EDARADD: variants seen among roughly 807,000 people sequenced by gnomAD.
EDARADD encodes EDAR associated via death domain, also known as ectodysplasin-A receptor-associated adapter protein.
EDARADD carries 20 observed loss-of-function variants against 25.6 expected under a neutral mutation model. The observed-to-expected ratio is 0.78, with a 90% CI of 0.55 to 1.14. The LOEUF (loss-of-function observed/expected upper bound fraction) is 1.14, where lower values mean the gene tolerates loss of function less well. Ranked by LOEUF, EDARADD falls within the 50% of genes most tolerant of loss-of-function variation. The probability of loss-of-function intolerance (pLI) is 0.00; values close to 1 mark genes in which losing one functional copy is unlikely to be tolerated. For missense variants in EDARADD, 225 were observed against 270.1 expected (o/e 0.83, Z 1.17); for synonymous variants, 86 against 94.4 (o/e 0.91, Z 0.52).
chr1:236,357,833 A>G (rs1407248649), intron 3 of EDARADD, among the ~76,000 whole-genome samples: 3 of 151,928 alleles, frequency 2.0e-5, no homozygotes, highest in African/African-American at 7.3e-5. Flanking sequence ...ATGTATATTC[A>G]AACTATATCA....
chr1:236,482,851 T>C lies in EDARADD; in HGVS notation c.*202T>C, dbSNP rs1013389851. On this transcript the variant is annotated 3_prime_UTR_variant, in exon 6 of 6. Coordinates refer to ENST00000334232, the MANE Select transcript of EDARADD (RefSeq NM_145861.4). ...GTTTATTTTTGCACATCTGTTATAA[T>C]TTAATATTCAAATCTGGAATTAAGA... is the stretch of plus-strand genomic sequence containing the variant. The C allele has an allele frequency of 7.2e-6, 5 of 691,220 alleles. No homozygotes were observed. The South Asian group carries it at 7.7e-5, about 11-fold the overall frequency. The allele number at this position is 691,220 out of a possible 1,614,324, so 42.8% of individuals were successfully genotyped here. A position where few individuals can be genotyped will look rare whatever the true frequency, so the allele number is the denominator to read the frequency against.
chr1:236,370,346 G>A (rs1002283419), intron 3 of EDARADD, among the ~76,000 whole-genome samples: 6 of 152,056 alleles, frequency 3.9e-5, no homozygotes, highest in Admixed American at 3.3e-4. Flanking sequence ...GCTTGAACCC[G>A]GGAGGCAGAG....
intron 5 of EDARADD, 84 bp from the exon 6 acceptor site, chr1:236,482,183 C>A: frequency 6.7e-7 from 1 of 1,484,610 alleles, no homozygotes; most frequent in African/African-American, 1.4e-5. Context: ...TTTGACAATT[C>A]AGCAGGAAAA....
rs756597158 is a variant in EDARADD at position 236,405,786 on chromosome 1, TTTC to T, written c.62-3427_62-3425del. On this transcript the variant is annotated intron_variant, in intron 1 of 5. Coordinates refer to ENST00000334232, the MANE Select transcript of EDARADD (RefSeq NM_145861.4). The stretch of plus-strand genomic sequence containing the variant: ...CTTTCTTTCTTTCTTTCTTTCTTTC[TTTC>T]TTTTCTTTTTCTTTCTTTCTTTCCT... 7.2e-3 allele frequency among the ~76,000 whole-genome samples: 308 copies of T among 42,718 alleles called. 5 individuals are homozygous for T. Among genetic ancestry groups the T allele is most frequent in the Middle Eastern group, 0.023 (3 of 128 alleles). The allele number at this position is 42,718 out of a possible 152,430, so 28.0% of individuals were successfully genotyped here.
At chr1:236,378,106 A>C (rs115249497) in intron 3 of EDARADD, among the ~76,000 whole-genome samples, 1 of 151,328 alleles carries the variant, frequency 6.6e-6, no homozygotes, top group African/African-American at 2.4e-5. Context: ...AGTCCCACCC[A>C]CCCCCCTTTA....
At chr1:236,377,863 A>G (rs967226750) in intron 3 of EDARADD, among the ~76,000 whole-genome samples, 2 of 152,056 alleles carry the variant, frequency 1.3e-5, no homozygotes, top group Non-Finnish European at 2.9e-5. Context: ...TTAAAAAAAA[A>G]ACAAAAACAG....
At chr1:236,435,623 TG>T (rs1658229489) in intron 4 of EDARADD, among the ~76,000 whole-genome samples, 1 of 152,234 alleles carries the variant, frequency 6.6e-6, no homozygotes, top group Non-Finnish European at 1.5e-5. Flanking sequence ...AGAATGTTTA[TG>T]CAGTTCTATC....
chr1:236,446,290 A>G (rs1378355882), intron 4 of EDARADD, among the ~76,000 whole-genome samples: 1 of 152,116 alleles, frequency 6.6e-6, no homozygotes, highest in Non-Finnish European at 1.5e-5. Flanking sequence ...TTAGACGATA[A>G]CATAGATTAG....
At chr1:236,443,144 C>T (rs1658446343) in intron 4 of EDARADD, among the ~76,000 whole-genome samples, 2 of 152,318 alleles carry the variant, frequency 1.3e-5, no homozygotes, top group Admixed American at 6.5e-5. Context: ...AAGGCCCTCA[C>T]CAGATGCAGC....
chr1:236,360,542 T>A (rs929480282), intron 3 of EDARADD, among the ~76,000 whole-genome samples: 8,649 of 79,114 alleles, frequency 0.11, 457 homozygotes, highest in African/African-American at 0.2. Flanking sequence ...TCACGGTTTT[T>A]TTTTTTTTTT....
chr1:236,363,006 A>AAAAAATATATAT (rs1377112051), intron 3 of EDARADD, among the ~76,000 whole-genome samples: 12 of 42,950 alleles, frequency 2.8e-4, no homozygotes, highest in African/African-American at 1.3e-3. Flanking sequence ...AAAAAAAAAA[A>AAAAAATATATAT]ATATATATAT....
intron 4 of EDARADD, among the ~76,000 whole-genome samples, chr1:236,464,925 C>G (rs1265134835): frequency 6.6e-6 from 1 of 152,156 alleles, no homozygotes; most frequent in Non-Finnish European, 1.5e-5. Context: ...TTATTTTCAT[C>G]TCCTGCCCTG....
intron 3 of EDARADD, among the ~76,000 whole-genome samples, chr1:236,352,174 A>C (rs1262914701): frequency 6.6e-6 from 1 of 152,146 alleles, no homozygotes. Context: ...ACTGCCGCCT[A>C]GAATATTCTA....
chr1:236,482,545 C>A lies in EDARADD; in HGVS notation c.544C>A (p.Leu182Ile). Residue 182 changes from leucine to isoleucine, a missense_variant, in exon 6 of 6, where the codon CTC becomes ATC. By Grantham distance (5) the Leu-to-Ile change is conservative. Coordinates refer to ENST00000334232, the MANE Select transcript of EDARADD (RefSeq NM_145861.4). ...SQRTVGQLME[L>I]CRLYHRADVE... ...GAGGACGGTGGGCCAGCTGATGGAGCTCTGCAGGCTCTACCACAGGGCCGA... is the reference window on the plus strand; with the variant it reads ...GAGGACGGTGGGCCAGCTGATGGAGATCTGCAGGCTCTACCACAGGGCCGA... 6.2e-7 allele frequency: 1 copy of A among 1,613,170 alleles called. No homozygotes were observed. The highest frequency in any genetic ancestry group is 8.5e-7 in the Non-Finnish European group (1 of 1,179,390).
intron 3 of EDARADD, among the ~76,000 whole-genome samples, chr1:236,363,446 A>G (rs1726634): frequency 0.24 from 35,566 of 150,758 alleles, 4,340 homozygotes; most frequent in East Asian, 0.38. Context: ...TTCTCCAGCC[A>G]TGGTTCATGC....
intron 4 of EDARADD, among the ~76,000 whole-genome samples, chr1:236,435,740 G>A (rs183928938): frequency 1.4e-3 from 214 of 152,262 alleles, no homozygotes; most frequent in African/African-American, 5.2e-3. Context: ...GAAACTTCAG[G>A]ATTTTAGAAA....
chr1:236,436,883 C>A (rs1658268972), intron 4 of EDARADD, among the ~76,000 whole-genome samples: 1 of 152,104 alleles, frequency 6.6e-6, no homozygotes, highest in Admixed American at 6.5e-5. Flanking sequence ...AGGCAGAGAC[C>A]TGCGTGAAAT....
intron 3 of EDARADD, among the ~76,000 whole-genome samples, chr1:236,354,679 G>A (rs1666954497): frequency 6.6e-6 from 1 of 152,206 alleles, no homozygotes; most frequent in Non-Finnish European, 1.5e-5. Flanking sequence ...CTACAGCCCT[G>A]ATTGGACAGA....
chr1:236,412,336 T>A (rs1257444787), intron 2 of EDARADD, among the ~76,000 whole-genome samples: 4 of 152,180 alleles, frequency 2.6e-5, no homozygotes, highest in African/African-American at 4.8e-5. Flanking sequence ...GCCCAATCCC[T>A]ATTTGCCATC....
Sources: allele counts gnomAD v4.1 joint callset (sites outside exome capture counted in the v4.1 genomes callset), GRCh38; gene constraint gnomAD v4.1.1; transcripts MANE v1.5; gene names NCBI Gene and HGNC (gene_info 2026-07-23, HGNC 2026-07-21).